Variants in WDPCP observed in about 807,000 individuals in gnomAD.
WDPCP encodes the protein WD repeat-containing and planar cell polarity effector protein fritz homolog.
A neutral mutation model predicts 93.1 loss-of-function variants in WDPCP; 71 were observed. The ratio of observed to expected loss-of-function variants is 0.76; its 90% CI spans 0.63 to 0.93. WDPCP has a LOEUF of 0.93. Among genes scored for constraint, WDPCP ranks in the 40% least tolerant of loss-of-function variants. The probability of loss-of-function intolerance (pLI) is 0.00; values close to 1 mark genes in which losing one functional copy is unlikely to be tolerated. For synonymous variants in WDPCP, 315 were observed against 315.0 expected (o/e 1.00, Z 0.00); for missense variants, 844 against 887.4 (o/e 0.95, Z 0.62).
rs551977861 is a variant in WDPCP at position 63,646,395 on chromosome 2, T to G, written n.488+4264A>C. ...AGTTGTCATAGTTACAATTTTTTAT[T>G]GATTTATCATTTAATGTTTTAACTT... On this transcript the variant is annotated intron_variant and non_coding_transcript_variant, in intron 3 of 4. Coordinates refer to the WDPCP transcript ENST00000467687. Among the ~76,000 whole-genome samples, 8 of 152,298 alleles carry G rather than the reference T, an allele frequency of 5.3e-5. No homozygotes were observed. The South Asian group carries it at 1.5e-3, about 28-fold the overall frequency.
chr2:63,163,517 C>T (rs921336935), intron 15 of WDPCP, among the ~76,000 whole-genome samples: 2 of 152,100 alleles, frequency 1.3e-5, no homozygotes, highest in Admixed American at 1.3e-4. Context: ...ACTGGAAATG[C>T]TTAGTATATT....
intron 1 of WDPCP, among the ~76,000 whole-genome samples, chr2:63,545,850 T>C (rs1286506783): frequency 2.7e-5 from 4 of 146,726 alleles, no homozygotes; most frequent in Non-Finnish European, 6.0e-5. Context: ...AACGAGGCGC[T>C]CAGATTTAAA....
At chr2:63,211,281 G>A (rs1015609688) in intron 14 of WDPCP, among the ~76,000 whole-genome samples, 1 of 152,186 alleles carries the variant, frequency 6.6e-6, no homozygotes, top group Non-Finnish European at 1.5e-5. Flanking sequence ...GAAGGATCAG[G>A]CAGCAACATT....
intron 12 of WDPCP, among the ~76,000 whole-genome samples, chr2:63,347,888 T>C (rs1280900367): frequency 6.6e-6 from 1 of 152,118 alleles, no homozygotes; most frequent in African/African-American, 2.4e-5. Flanking sequence ...GTTTTAAAAT[T>C]AGTATCATTC....
rs934461300 is a variant in WDPCP at position 63,383,694 on chromosome 2, C to G, written c.1436-1600G>C. 2.0e-5 allele frequency among the ~76,000 whole-genome samples: 3 copies of G among 152,082 alleles called. No homozygotes were observed. In the East Asian group the frequency reaches 5.8e-4, roughly 29 times the overall value. On this transcript the variant is annotated intron_variant, in intron 10 of 17. Transcript: ENST00000272321. ...CACCACTGCACTCCAGCCTGGGTGA[C>G]AGAGTGAGACTCTGTCTCAATCAAT...
chr2:63,313,853 C>CATATATATAT (rs1239251914), intron 12 of WDPCP, among the ~76,000 whole-genome samples: 9 of 38,516 alleles, frequency 2.3e-4, no homozygotes, highest in Non-Finnish European at 3.1e-4. Context: ...ATTATTCATA[C>CATATATATAT]ATATATATAT....
At position 63,618,444 on chromosome 2, in the gene WDPCP, C is replaced by A. The variant is rs533017593; in HGVS notation, n.488+32215G>T. ...AATTTATTATTAAGAATTTAATTGC[C>A]CAGGTGTTAAGCATTTTCTTTTTCT... On this transcript the variant is annotated intron_variant and non_coding_transcript_variant, in intron 3 of 4. Coordinates refer to the WDPCP transcript ENST00000467687. Among the ~76,000 whole-genome samples, 5 of 152,270 alleles carry A rather than the reference C, an allele frequency of 3.3e-5. No individual in the cohort carries two copies. In the East Asian group the frequency reaches 9.6e-4, roughly 29 times the overall value.
At chr2:63,777,664 A>G (rs1000144934) in intron 2 of WDPCP, among the ~76,000 whole-genome samples, 1 of 152,236 alleles carries the variant, frequency 6.6e-6, no homozygotes, top group African/African-American at 2.4e-5. Context: ...CCAGACAAAA[A>G]AAGAATATAT....
intron 1 of WDPCP, among the ~76,000 whole-genome samples, chr2:63,537,004 G>A (rs1264920884): frequency 6.6e-6 from 1 of 151,970 alleles, no homozygotes; most frequent in Non-Finnish European, 1.5e-5. Context: ...TGGGCCTCAA[G>A]TGATCCACCC....
intron 12 of WDPCP, among the ~76,000 whole-genome samples, chr2:63,367,313 A>AT (rs1262702196): frequency 6.6e-6 from 1 of 152,078 alleles, no homozygotes; most frequent in Non-Finnish European, 1.5e-5. Context: ...AATACTGATT[A>AT]TTTCAACTGT....
At chr2:63,127,996 G>A (rs1191993738) in intron 17 of WDPCP, among the ~76,000 whole-genome samples, 2 of 152,020 alleles carry the variant, frequency 1.3e-5, no homozygotes, top group Admixed American at 6.6e-5. Flanking sequence ...CAAATTAGCC[G>A]GGTGTGGTAG....
At chr2:63,743,227 T>C (rs1469894878) in intron 2 of WDPCP, among the ~76,000 whole-genome samples, 2 of 152,118 alleles carry the variant, frequency 1.3e-5, no homozygotes, top group Non-Finnish European at 2.9e-5. Context: ...ATGAGCTCTG[T>C]GATAAGGTGG....
chr2:63,545,642 TA>T (rs1327729952), intron 1 of WDPCP, among the ~76,000 whole-genome samples: 1 of 151,624 alleles, frequency 6.6e-6, no homozygotes, highest in South Asian at 2.1e-4. Flanking sequence ...AAGCAGGGTA[TA>T]AAAAAAACAA....
chr2:63,281,260 G>A (rs953398796), intron 13 of WDPCP, among the ~76,000 whole-genome samples: 17 of 152,128 alleles, frequency 1.1e-4, no homozygotes, highest in Admixed American at 3.9e-4. Flanking sequence ...TCAGGGTAAC[G>A]CAAATCAAAA....
At chr2:63,310,717 A>C (rs998944208) in intron 13 of WDPCP, among the ~76,000 whole-genome samples, 1 of 139,228 alleles carries the variant, frequency 7.2e-6, no homozygotes, top group African/African-American at 2.6e-5. Flanking sequence ...AACTAAGCCA[A>C]GCATGGTGGC....
chr2:63,591,023 A>G (rs1265741859), upstream of WDPCP: 1 of 152,224 alleles, frequency 6.6e-6, no homozygotes, highest in African/African-American at 2.4e-5. Context: ...ATATATATAA[A>G]TTTGAAAGTG....
At chr2:63,822,548 G>A (rs1377323252) in intron 1 of WDPCP, among the ~76,000 whole-genome samples, 7 of 152,156 alleles carry the variant, frequency 4.6e-5, no homozygotes, top group Admixed American at 4.6e-4. Context: ...ATTAAAAGTA[G>A]CTCTTATTTT....
chr2:63,218,673 G>GCACTA (rs1184831848), intron 14 of WDPCP, among the ~76,000 whole-genome samples: 18 of 148,026 alleles, frequency 1.2e-4, no homozygotes, highest in African/African-American at 3.5e-4. Context: ...GGGACTAAAG[G>GCACTA]CGTGCGACAC....
chr2:63,278,825 C>A (rs1432670492), intron 13 of WDPCP, among the ~76,000 whole-genome samples: 1 of 152,100 alleles, frequency 6.6e-6, no homozygotes, highest in Non-Finnish European at 1.5e-5. Flanking sequence ...ACTACAGATA[C>A]CACAGAAAAA....
Sources: allele counts gnomAD v4.1 joint callset (sites outside exome capture counted in the v4.1 genomes callset), GRCh38; gene constraint gnomAD v4.1.1; transcripts MANE v1.5; gene names NCBI Gene and HGNC (gene_info 2026-07-23, HGNC 2026-07-21).